CSMD1: variants seen among roughly 807,000 people sequenced by gnomAD.
CSMD1 encodes CUB and Sushi multiple domains 1.
Under a neutral mutation model 417.5 loss-of-function variants are expected in CSMD1, and 213 were observed. That is an observed-to-expected ratio of 0.51 (90% CI 0.46 to 0.57). CSMD1 has a LOEUF of 0.57. Among genes scored for constraint, CSMD1 ranks in the 20% least tolerant of loss-of-function variants. The probability of loss-of-function intolerance (pLI) is 0.00; values close to 1 mark genes in which losing one functional copy is unlikely to be tolerated. For missense variants in CSMD1, 6,923 were observed against 4,529.7 expected, an observed-to-expected ratio of 1.53 and a Z score of -15.17; for synonymous variants, 2,862 against 1,736.8, an observed-to-expected ratio of 1.65 and a Z score of -16.11.
rs150897490 is a variant in CSMD1 at position 3,994,871 on chromosome 8, G to C, written c.818+3032C>G. 4.6e-3 allele frequency among the ~76,000 whole-genome samples: 703 copies of C among 152,230 alleles called. 6 individuals are homozygous for C. Among genetic ancestry groups the C allele is most frequent in the African/African-American group, 0.016 (667 of 41,518 alleles). On this transcript the variant is annotated intron_variant, in intron 5 of 69. Transcript: ENST00000635120. Reference sequence around the variant, plus strand: ...CAATTTTCCAAGTAGCTTCTTCTGAGAGTGCCCTTGCTTATATGCCCTTTT... The same window carrying C: ...CAATTTTCCAAGTAGCTTCTTCTGACAGTGCCCTTGCTTATATGCCCTTTT...
At chr8:4,257,437 G>C (rs1045852342) in intron 3 of CSMD1, among the ~76,000 whole-genome samples, 5 of 151,554 alleles carry the variant, frequency 3.3e-5, no homozygotes, top group Non-Finnish European at 4.4e-5. Flanking sequence ...TCTCTCTTTA[G>C]GCTTATTAAG....
rs1266571335 is a variant in CSMD1, at chr8:3,367,122, T to G, written c.3025A>C (p.Lys1009Gln). ...GTGAAGTTTCCAAACAGGCCTGCCT[T>G]GATCGTATGAGGCAACACCGACCCG... ...LTGSVLPHTI[K>Q]AGLFGNFTAQ... Residue 1009 changes from lysine to glutamine, a missense_variant, in exon 20 of 70, where the codon AAG becomes CAG. Physicochemically the swap from Lys to Gln is moderately conservative, Grantham distance 53. Transcript: ENST00000635120. 3 of 1,613,674 alleles carry G rather than the reference T, an allele frequency of 1.9e-6. No individual in the cohort carries two copies. In the African/African-American group the frequency reaches 4.0e-5, roughly 22 times the overall value.
chr8:4,778,875 A>C (rs1250497510), intron 1 of CSMD1, among the ~76,000 whole-genome samples: 5 of 152,242 alleles, frequency 3.3e-5, no homozygotes, highest in Non-Finnish European at 5.9e-5. Context: ...TATACAATGT[A>C]GTTAGGACAA....
At chr8:3,349,042 G>C (rs562710610) in intron 21 of CSMD1, among the ~76,000 whole-genome samples, 4 of 152,262 alleles carry the variant, frequency 2.6e-5, no homozygotes, top group Middle Eastern at 3.4e-3. Flanking sequence ...AGGAGTCTGC[G>C]CCAACAATTT....
At chr8:3,304,041 A>G (rs554457406) in intron 25 of CSMD1, among the ~76,000 whole-genome samples, 57 of 152,290 alleles carry the variant, frequency 3.7e-4, no homozygotes, top group Middle Eastern at 6.8e-3. Flanking sequence ...AATGAAATCA[A>G]TGTAGCTCTG....
intron 8 of CSMD1, among the ~76,000 whole-genome samples, chr8:3,595,852 C>G (rs1312744294): frequency 6.6e-6 from 1 of 152,202 alleles, no homozygotes; most frequent in Non-Finnish European, 1.5e-5. Flanking sequence ...TGTTTGCACA[C>G]TGTGTGAACG....
intron 5 of CSMD1, among the ~76,000 whole-genome samples, chr8:3,780,702 C>A (rs1235693275): frequency 6.6e-6 from 1 of 152,220 alleles, no homozygotes; most frequent in African/African-American, 2.4e-5. Flanking sequence ...AAGAGCCCAG[C>A]CTGGTGAGAA....
intron 2 of CSMD1, among the ~76,000 whole-genome samples, chr8:4,568,399 T>C (rs1798720960): frequency 6.6e-6 from 1 of 152,190 alleles, no homozygotes; most frequent in Non-Finnish European, 1.5e-5. Flanking sequence ...TCTGTGTCTT[T>C]ACTGAGAATG....
intron 1 of CSMD1, among the ~76,000 whole-genome samples, chr8:4,662,655 C>T (rs763252260): frequency 2.0e-5 from 3 of 152,146 alleles, no homozygotes; most frequent in Non-Finnish European, 2.9e-5. Flanking sequence ...CCCTTTCAGC[C>T]GCCACTTCGT....
rs62478839 is a variant in CSMD1 at position 4,226,589 on chromosome 8, G to T, written c.415+193364C>A. Reference sequence around the variant, plus strand: ...AAAAAACTAATAACTTATTAAAAGGGCTGTATTTTTCTGCATTGATATTCT... The same window carrying T: ...AAAAAACTAATAACTTATTAAAAGGTCTGTATTTTTCTGCATTGATATTCT... On this transcript the variant is annotated intron_variant, in intron 3 of 69. Transcript: ENST00000635120. Among the ~76,000 whole-genome samples, 32 of 152,034 alleles carry T rather than the reference G, an allele frequency of 2.1e-4. No individual in the cohort carries two copies. The East Asian group carries it at 2.7e-3, about 13-fold the overall frequency.
intron 6 of CSMD1, among the ~76,000 whole-genome samples, chr8:3,744,975 T>G (rs140979878): frequency 6.6e-6 from 1 of 152,140 alleles, no homozygotes; most frequent in Admixed American, 6.6e-5. Context: ...CCTTTTGTAG[T>G]AAAGCCTAGA....
chr8:4,804,442 A>G (rs1232968500), intron 1 of CSMD1, among the ~76,000 whole-genome samples: 1 of 151,804 alleles, frequency 6.6e-6, no homozygotes, highest in Non-Finnish European at 1.5e-5. Context: ...CCAGTCATAT[A>G]CAGACTTCGG....
rs552997635 is a variant in CSMD1, at chr8:4,643,983, G to A, written c.86-6425C>T. Among the ~76,000 whole-genome samples the A allele has an allele frequency of 1.9e-4, 29 of 152,274 alleles. No homozygotes were observed. The South Asian group carries it at 2.5e-3, about 13-fold the overall frequency. The stretch of plus-strand genomic sequence containing the variant: ...GCTCAGCGCCCTAGGGTACTTGGTT[G>A]GGTTTTACTCCCAAACACTTATGGG... On this transcript the variant is annotated intron_variant, in intron 1 of 69. Transcript: ENST00000635120.
chr8:4,472,019 AT>A, intron 2 of CSMD1, among the ~76,000 whole-genome samples: 1 of 152,148 alleles, frequency 6.6e-6, no homozygotes, highest in Non-Finnish European at 1.5e-5. Flanking sequence ...ATTTCTTCCA[AT>A]TTTTTAACTA....
At chr8:4,767,761 G>C (rs1812563933) in intron 1 of CSMD1, among the ~76,000 whole-genome samples, 1 of 152,226 alleles carries the variant, frequency 6.6e-6, no homozygotes, top group Non-Finnish European at 1.5e-5. Context: ...TTTATCCTTT[G>C]TGCAATTATT....
chr8:4,766,608 C>T (rs540963975), intron 1 of CSMD1, among the ~76,000 whole-genome samples: 12 of 152,290 alleles, frequency 7.9e-5, no homozygotes, highest in African/African-American at 2.9e-4. Flanking sequence ...TGCGTGTTTA[C>T]TGAATGAAAA....
At chr8:4,171,330 A>T (rs868175132) in intron 3 of CSMD1, among the ~76,000 whole-genome samples, 1 of 151,936 alleles carries the variant, frequency 6.6e-6, no homozygotes, top group Non-Finnish European at 1.5e-5. Flanking sequence ...TGTAGGGATT[A>T]CAGTTGTGGA....
At chr8:3,628,756 C>A (rs1796617245) in intron 7 of CSMD1, among the ~76,000 whole-genome samples, 1 of 152,128 alleles carries the variant, frequency 6.6e-6, no homozygotes, top group South Asian at 2.1e-4. Flanking sequence ...GGAAAAGTGA[C>A]CAGCGCCTAC....
intron 5 of CSMD1, among the ~76,000 whole-genome samples, chr8:3,905,320 C>T (rs1302449505): frequency 6.6e-6 from 1 of 152,082 alleles, no homozygotes; most frequent in Non-Finnish European, 1.5e-5. Flanking sequence ...GTGACAGGTA[C>T]CTGATCTTAA....
Sources: allele counts gnomAD v4.1 joint callset (sites outside exome capture counted in the v4.1 genomes callset), GRCh38; gene constraint gnomAD v4.1.1; transcripts MANE v1.5; gene names NCBI Gene and HGNC (gene_info 2026-07-23, HGNC 2026-07-21).